SUOX: variants seen among roughly 807,000 people sequenced by gnomAD.
The protein encoded by SUOX is sulfite oxidase, mitochondrial.
Under a neutral mutation model 41.9 loss-of-function variants are expected in SUOX, and 39 were observed. The observed-to-expected ratio is 0.93, with a 90% CI of 0.72 to 1.21. The LOEUF (loss-of-function observed/expected upper bound fraction) is 1.21. Ranked by LOEUF, SUOX falls within the 50% of genes most tolerant of loss-of-function variation. SUOX has a pLI of 0.00. For synonymous variants in SUOX, 220 were observed against 268.4 expected (o/e 0.82, Z 1.76); for missense variants, 633 against 689.5 (o/e 0.92, Z 0.92).
At chr12:56,002,004 C>G in intron 2 of SUOX, 1 of 1,437,650 alleles carries the variant, frequency 7.0e-7, no homozygotes, top group Non-Finnish European at 9.1e-7. Context: ...ACCCGCATTA[C>G]CTGCCATCCT....
intron 2 of SUOX, among the ~76,000 whole-genome samples, chr12:56,001,122 T>C (rs1403891086): frequency 5.8e-5 from 7 of 119,718 alleles, no homozygotes; most frequent in East Asian, 2.4e-4. Context: ...ATCTCTCTTT[T>C]TTTTTTTTTT....
At chr12:56,003,579 A>G in intron 4 of SUOX, 39 bp from the exon 5 acceptor site, 2 of 1,594,124 alleles carry the variant, frequency 1.3e-6, no homozygotes, top group South Asian at 1.1e-5. Flanking sequence ...TCTTCTTAAT[A>G]GTCTCTTCCC....
At chr12:55,998,233 T>C (rs1020092622) in intron 2 of SUOX, among the ~76,000 whole-genome samples, 1 of 152,248 alleles carries the variant, frequency 6.6e-6, no homozygotes, top group South Asian at 2.1e-4. Context: ...TGGAAAATAG[T>C]TGAACACAGT....
At position 56,003,780 on chromosome 12, in the gene SUOX, G is replaced by A. The variant is rs760687851; in HGVS notation, c.391G>A (p.Gly131Ser). 1.9e-6 allele frequency: 3 copies of A among 1,613,860 alleles called. No homozygotes were observed. Among genetic ancestry groups the A allele is most frequent in the Non-Finnish European group, 2.5e-6 (3 of 1,179,876 alleles). ...TTCAAAGCTGATGCTAGCAGCTGGGGGTCCCCTAGAGCCCTTCTGGGCCCT... is the reference window on the plus strand; with the variant it reads ...TTCAAAGCTGATGCTAGCAGCTGGGAGTCCCCTAGAGCCCTTCTGGGCCCT... ...GPSKLMLAAGGPLEPFWALYA... is the reference protein window; with the variant it reads ...GPSKLMLAAGSPLEPFWALYA... The change falls in exon 5 of 5, where the codon GGT (glycine) becomes AGT (serine). Residue 131 changes from glycine to serine, a missense_variant. Transcript: ENST00000266971.
At chr12:56,000,825 C>T (rs570752790) in intron 2 of SUOX, among the ~76,000 whole-genome samples, 5 of 151,518 alleles carry the variant, frequency 3.3e-5, no homozygotes, top group South Asian at 2.1e-4. Context: ...CTCACTCTGT[C>T]GCCCAGGCTG....
At chr12:56,002,872 TA>T in intron 4 of SUOX, 152 bp downstream of exon 4, 2 of 791,674 alleles carry the variant, frequency 2.5e-6, no homozygotes, top group South Asian at 1.6e-5. Context: ...CCATCTCTAG[TA>T]AAAATTAGCC....
intron 3 of SUOX, 95 bp downstream of exon 3, chr12:56,002,366 A>G (rs1890564470): frequency 1.5e-5 from 23 of 1,520,722 alleles, no homozygotes; most frequent in Non-Finnish European, 2.1e-5. Context: ...GACAGTTGAG[A>G]GAGTGTGTCC....
Position 56,004,473 on chromosome 12 carries a change from G to C in SUOX, c.1084G>C (p.Gly362Arg). The part of the protein sequence containing the change: ...MNGQPLPRDH[G>R]FPVRVVVPGV... Reference sequence around the variant, plus strand: ...TGGGCAGCCTCTGCCACGTGACCACGGCTTCCCTGTGCGTGTGGTGGTTCC... The same window carrying C: ...TGGGCAGCCTCTGCCACGTGACCACCGCTTCCCTGTGCGTGTGGTGGTTCC... The change falls in exon 5 of 5, where the codon GGC becomes CGC. Residue 362 changes from glycine (G) to arginine (R), a missense_variant. Gly to Arg is a moderately radical substitution (Grantham distance 125). Transcript: ENST00000266971. The surrounding 1 kb of genome is among the most constrained non-coding windows in gnomAD (Gnocchi z 4.5). The C allele has an allele frequency of 6.2e-7, 1 of 1,614,154 alleles. No individual in the cohort carries two copies.
chr12:56,000,340 CG>C (rs1190667215), intron 2 of SUOX, among the ~76,000 whole-genome samples: 1 of 152,216 alleles, frequency 6.6e-6, no homozygotes, highest in Non-Finnish European at 1.5e-5. Flanking sequence ...GCTGGTGGGC[CG>C]GCACTGCTGG....
At chr12:56,000,586 G>A (rs544306729) in intron 2 of SUOX, among the ~76,000 whole-genome samples, 21 of 152,250 alleles carry the variant, frequency 1.4e-4, no homozygotes, top group African/African-American at 4.6e-4. Flanking sequence ...CCAGAAAGGG[G>A]CTCCCACAGT....
intron 4 of SUOX, 76 bp from the exon 5 acceptor site, chr12:56,003,542 T>C (rs1890608965): frequency 1.4e-6 from 2 of 1,443,368 alleles, no homozygotes; most frequent in South Asian, 2.3e-5. Context: ...ATTACAGTTG[T>C]GAGTCACCAC....
intron 4 of SUOX, 123 bp from the exon 5 acceptor site, chr12:56,003,495 A>C (rs1890607148): frequency 1.2e-6 from 1 of 866,238 alleles, no homozygotes; most frequent in Non-Finnish European, 1.9e-6. Context: ...TCCCGACCTT[A>C]TGTGATCCGC....
rs1395975438 is a variant in SUOX, at chr12:56,002,263, G to A, written c.42G>A (p.Gln14=). Residue 14 remains glutamine (Q), a synonymous_variant, in exon 3 of 5, where the codon CAG becomes CAA. Coordinates refer to ENST00000266971, the MANE Select transcript of SUOX (RefSeq NM_001032386.2). ...LHRAVVLRLQ[Q]ACRLKSIPSR... is the part of the protein sequence containing the mutation. ...GAGCTGTGGTCCTCAGGCTCCAACA[G>A]GCCTGCAGGTAGGCCAGCCCATCCC... is the stretch of plus-strand genomic sequence containing the variant. The A allele has an allele frequency of 1.2e-6, 2 of 1,611,858 alleles. No homozygotes were observed. The highest frequency in any genetic ancestry group is 8.5e-7 in the Non-Finnish European group (1 of 1,180,038).
chr12:55,999,992 C>T (rs1482412083), intron 2 of SUOX, among the ~76,000 whole-genome samples: 2 of 152,250 alleles, frequency 1.3e-5, no homozygotes, highest in Non-Finnish European at 1.5e-5. Context: ...CTGAGCTAGA[C>T]ACAGGGTGCT....
intron 2 of SUOX, chr12:56,001,880 C>T: frequency 8.3e-7 from 1 of 1,211,246 alleles, no homozygotes; most frequent in Non-Finnish European, 1.0e-6. Context: ...GGTTTCGGTC[C>T]TTTAGGCCCT....
At chr12:55,999,031 C>T (rs1274732751) in intron 2 of SUOX, among the ~76,000 whole-genome samples, 2 of 151,604 alleles carry the variant, frequency 1.3e-5, no homozygotes, top group Non-Finnish European at 2.9e-5. Flanking sequence ...CCAAGCTGGT[C>T]TTGAACTCCT....
At chr12:55,998,633 C>A (rs1232845048) in intron 2 of SUOX, among the ~76,000 whole-genome samples, 1 of 151,952 alleles carries the variant, frequency 6.6e-6, no homozygotes, top group East Asian at 1.9e-4. Flanking sequence ...GCCAGGAGTT[C>A]AAGACCAGCC....
At position 56,005,042 on chromosome 12, in the gene SUOX, C is replaced by G; in HGVS notation, c.*15C>G. On this transcript the variant is annotated 3_prime_UTR_variant, in exon 5 of 5. Transcript: ENST00000266971. Reference sequence around the variant, plus strand: ...TCTCCCCATGAGCATGGAAAGGAGCCACCTCCACCCCTTTCCCCACCCATT... The same window carrying G: ...TCTCCCCATGAGCATGGAAAGGAGCGACCTCCACCCCTTTCCCCACCCATT... The G allele has an allele frequency of 6.2e-7, 1 of 1,606,482 alleles. No individual in the cohort carries two copies. The highest frequency in any genetic ancestry group is 8.5e-7 in the Non-Finnish European group (1 of 1,179,480).
In SUOX at chr12:56,004,451, G is replaced by A; in HGVS notation, c.1062G>A (p.Gly354=). The A allele has an allele frequency of 1.2e-6, 2 of 1,614,196 alleles. No homozygotes were observed. Among genetic ancestry groups the A allele is most frequent in the Non-Finnish European group, 1.7e-6 (2 of 1,180,036 alleles). ...AEVLLAYEMN[G]QPLPRDHGFP... ...TCCTGCTGGCATATGAGATGAATGG[G>A]CAGCCTCTGCCACGTGACCACGGCT... The change falls in exon 5 of 5, where the codon GGG becomes GGA. Residue 354 remains glycine (G), a synonymous_variant. Coordinates refer to ENST00000266971, the MANE Select transcript of SUOX (RefSeq NM_001032386.2). This position sits in a 1 kb window ranked among gnomAD's most constrained non-coding sequence, Gnocchi z 4.5.
Sources: allele counts gnomAD v4.1 joint callset (sites outside exome capture counted in the v4.1 genomes callset), GRCh38; gene constraint gnomAD v4.1.1; non-coding constraint Gnocchi (gnomAD v3.1); transcripts MANE v1.5; gene names NCBI Gene and HGNC (gene_info 2026-07-23, HGNC 2026-07-21).